Variants in ZNF536 observed in about 807,000 individuals in gnomAD.
ZNF536 encodes the protein zinc finger protein 536.
In ZNF536, 13 loss-of-function variants were observed where a neutral mutation model predicts 84.5. The ratio of observed to expected loss-of-function variants is 0.15; its 90% CI spans 0.10 to 0.24. ZNF536 has a LOEUF of 0.24. ZNF536 is among the 10% of genes least tolerant of loss of function. The probability of loss-of-function intolerance (pLI) is 1.00; values close to 1 mark genes in which losing one functional copy is unlikely to be tolerated. For missense variants in ZNF536, 1,536 were observed against 1,747.5 expected (o/e 0.88, Z 2.16); for synonymous variants, 811 against 742.5 (o/e 1.09, Z -1.50).
chr19:30,449,980 G>C (rs940959583), intron 2 of ZNF536, among the ~76,000 whole-genome samples: 1 of 150,652 alleles, frequency 6.6e-6, no homozygotes, highest in Non-Finnish European at 1.5e-5. Context: ...CACGATAACC[G>C]GTGCCTGCTC....
At chr19:30,572,614 A>G (rs1430424470) in intron 1 of ZNF536, among the ~76,000 whole-genome samples, 1 of 152,226 alleles carries the variant, frequency 6.6e-6, no homozygotes, top group Non-Finnish European at 1.5e-5. Flanking sequence ...GCATTCTTGC[A>G]CAGCGTTGGC....
At chr19:30,372,892 C>A (rs1036888637) in intron 1 of ZNF536, among the ~76,000 whole-genome samples, 47 of 151,094 alleles carry the variant, frequency 3.1e-4, no homozygotes, top group African/African-American at 1.0e-3. Context: ...ACCAACCAAC[C>A]AAACAAAACA....
At chr19:30,249,118 G>A (rs1019836539) in intron 1 of ZNF536, among the ~76,000 whole-genome samples, 2 of 152,154 alleles carry the variant, frequency 1.3e-5, no homozygotes, top group Non-Finnish European at 2.9e-5. Context: ...CATGGCTTTT[G>A]CTTTTGAGTT....
intron 1 of ZNF536, among the ~76,000 whole-genome samples, chr19:30,613,202 G>A (rs950451860): frequency 8.5e-5 from 13 of 152,084 alleles, no homozygotes; most frequent in Non-Finnish European, 1.5e-5. Context: ...TGTCCTCCAG[G>A]TTTCTCAGCT....
intron 1 of ZNF536, among the ~76,000 whole-genome samples, chr19:30,428,004 G>T (rs1311150043): frequency 6.6e-6 from 1 of 152,218 alleles, no homozygotes; most frequent in African/African-American, 2.4e-5. Flanking sequence ...GCCAAATTTT[G>T]TTGCTTTTGT....
At chr19:30,309,033 A>C (rs2046421210) in intron 2 of ZNF536, among the ~76,000 whole-genome samples, 2 of 152,304 alleles carry the variant, frequency 1.3e-5, no homozygotes, top group South Asian at 4.2e-4. Context: ...GGCAACAGCA[A>C]GACTTTCCCA....
chr19:30,407,584 G>C (rs2050315315), intron 1 of ZNF536, among the ~76,000 whole-genome samples: 1 of 152,222 alleles, frequency 6.6e-6, no homozygotes, highest in Non-Finnish European at 1.5e-5. Context: ...TCACTTTGGG[G>C]TTTCCAAAAT....
intron 2 of ZNF536, among the ~76,000 whole-genome samples, chr19:30,326,794 T>TTTTTTTTTTG (rs2047044503): frequency 8.7e-6 from 1 of 115,290 alleles, no homozygotes; most frequent in Non-Finnish European, 1.7e-5. Flanking sequence ...TAAAAAGCTT[T>TTTTTTTTTTG]TTTTTTTTTT....
chr19:30,477,178 G>A (rs574594243), intron 2 of ZNF536, among the ~76,000 whole-genome samples: 1 of 152,164 alleles, frequency 6.6e-6, no homozygotes, highest in East Asian at 1.9e-4. Flanking sequence ...CCCTTATTCT[G>A]TCTGTCCCGA....
intron 1 of ZNF536, among the ~76,000 whole-genome samples, chr19:30,653,344 G>A (rs747989442): frequency 1.8e-4 from 27 of 152,044 alleles, no homozygotes; most frequent in South Asian, 6.2e-4. Flanking sequence ...ATCTGCTTTC[G>A]GGGAGACAAG....
At chr19:30,569,326 T>G (rs112208294) in intron 1 of ZNF536, among the ~76,000 whole-genome samples, 2 of 152,226 alleles carry the variant, frequency 1.3e-5, no homozygotes, top group African/African-American at 4.8e-5. Context: ...TGGAGATGCA[T>G]CCATTCTTTG....
At chr19:30,309,249 C>A (rs2046427368) in intron 2 of ZNF536, among the ~76,000 whole-genome samples, 1 of 152,158 alleles carries the variant, frequency 6.6e-6, no homozygotes, top group Non-Finnish European at 1.5e-5. Context: ...CACATTTTAG[C>A]TGTAGAAATG....
intron 1 of ZNF536, among the ~76,000 whole-genome samples, chr19:30,431,651 A>G (rs1433072936): frequency 6.6e-6 from 1 of 152,256 alleles, no homozygotes; most frequent in Non-Finnish European, 1.5e-5. Context: ...ACACGATATC[A>G]TAGTCCACAA....
intron 1 of ZNF536, among the ~76,000 whole-genome samples, chr19:30,566,736 G>T (rs1027712758): frequency 6.6e-6 from 1 of 151,962 alleles, no homozygotes; most frequent in African/African-American, 2.4e-5. Flanking sequence ...TTTCCGGACA[G>T]TGGAGGTTCC....
chr19:30,467,557 A>C (rs549707143), intron 2 of ZNF536, among the ~76,000 whole-genome samples: 13 of 152,276 alleles, frequency 8.5e-5, no homozygotes, highest in Non-Finnish European at 1.6e-4. Context: ...TACACACTTG[A>C]ATAAATGAAT....
At chr19:30,660,016 T>C (rs1041840080) in intron 1 of ZNF536, among the ~76,000 whole-genome samples, 1 of 152,078 alleles carries the variant, frequency 6.6e-6, no homozygotes, top group African/African-American at 2.4e-5. Context: ...TAGATATCAA[T>C]GATTTCATAA....
rs938751395 is a variant in ZNF536, at chr19:30,677,048, C to T, written c.170-33709C>T. 6.6e-5 allele frequency among the ~76,000 whole-genome samples: 10 copies of T among 152,140 alleles called. No homozygotes were observed. In the East Asian group the frequency reaches 1.2e-3, roughly 18 times the overall value. ...GATATTTTGCTTGTGAAAGAAATGG[C>T]GTGATGCCTTTTCTACAATTGAAGA... is the stretch of plus-strand genomic sequence containing the variant. On this transcript the variant is annotated intron_variant, in intron 1 of 1. Coordinates refer to the ZNF536 transcript ENST00000592773.
At chr19:30,564,934 G>T (rs574329850) in intron 1 of ZNF536, among the ~76,000 whole-genome samples, 109 of 152,288 alleles carry the variant, frequency 7.2e-4, no homozygotes, top group African/African-American at 2.6e-3. Flanking sequence ...CTGGTAGGCA[G>T]GGGTGGAGAA....
At chr19:30,578,609 C>A (rs74744801) in intron 1 of ZNF536, among the ~76,000 whole-genome samples, 2 of 152,340 alleles carry the variant, frequency 1.3e-5, no homozygotes, top group East Asian at 3.9e-4. Flanking sequence ...ACTGCTCATG[C>A]AATGGAATTG....
Sources: gnomAD v4.1 joint callset for allele counts (sites outside exome capture counted in the v4.1 genomes callset) on GRCh38, gnomAD v4.1.1 for gene constraint, MANE v1.5 for transcripts, NCBI Gene and HGNC (gene_info 2026-07-23, HGNC 2026-07-21) for gene names.